Variants in NGLY1 observed in about 807,000 individuals in gnomAD.
NGLY1 encodes the protein peptide-N(4)-(N-acetyl-beta-glucosaminyl)asparagine amidase.
In NGLY1, 68 loss-of-function variants were observed where a neutral mutation model predicts 84.6. The ratio of observed to expected loss-of-function variants is 0.80; its 90% CI spans 0.66 to 0.98. NGLY1 has a LOEUF of 0.98. NGLY1 is among the 50% of genes least tolerant of loss of function. NGLY1 has a pLI of 0.00. For synonymous variants in NGLY1, 280 were observed against 275.2 expected (o/e 1.02, Z -0.17); for missense variants, 779 against 770.2 (o/e 1.01, Z -0.14).
chr3:25,752,263 C>T (rs1330163291), intron 3 of NGLY1, among the ~76,000 whole-genome samples: 1 of 151,978 alleles, frequency 6.6e-6, no homozygotes, highest in East Asian at 1.9e-4. Context: ...CACTGTGTTG[C>T]CCAGGCTGGA....
chr3:25,776,699 T>C (rs183216344), intron 2 of NGLY1, among the ~76,000 whole-genome samples: 8 of 152,118 alleles, frequency 5.3e-5, no homozygotes, highest in Admixed American at 4.6e-4. Context: ...ATCCAATTAG[T>C]TGCTTAAACC....
At chr3:25,726,078 C>T (rs553169074) in intron 10 of NGLY1, among the ~76,000 whole-genome samples, 36 of 152,120 alleles carry the variant, frequency 2.4e-4, no homozygotes, top group South Asian at 6.2e-4. Context: ...CCCCTCACCC[C>T]GCCAAAATGC....
chr3:25,726,947 C>T (rs925218162), intron 10 of NGLY1, among the ~76,000 whole-genome samples: 3 of 152,102 alleles, frequency 2.0e-5, no homozygotes, highest in Non-Finnish European at 4.4e-5. Context: ...TGGGAGGATA[C>T]CTCTTTGAGA....
At chr3:25,783,807 TG>T (rs2125332956), upstream of NGLY1, among the ~76,000 whole-genome samples, 1 of 151,590 alleles carries the variant, frequency 6.6e-6, no homozygotes, top group Non-Finnish European at 1.5e-5. This position sits in a 1 kb window ranked among gnomAD's most constrained non-coding sequence, Gnocchi z 4.5. Flanking sequence ...AGGCGGGGCC[TG>T]GGCTCCGGGG....
In NGLY1 at chr3:25,778,642, C is replaced by G; in HGVS notation, c.178G>C (p.Ala60Pro). ...ACAGGCAAGAGTCTAGTAGAAAAGGCTGTGTTTCCAATCCGGATGGATCTA... is the reference window on the plus strand; with the variant it reads ...ACAGGCAAGAGTCTAGTAGAAAAGGGTGTGTTTCCAATCCGGATGGATCTA... Reference protein sequence around the residue: ...KYRSIRIGNTAFSTRLLPVRG... With the variant: ...KYRSIRIGNTPFSTRLLPVRG... Residue 60 changes from alanine to proline, a missense_variant, in exon 2 of 12, where the codon GCC (alanine) becomes CCC (proline). By Grantham distance (27) the Ala-to-Pro change is conservative. Transcript: ENST00000280700. 3 of 1,612,792 alleles carry G rather than the reference C, an allele frequency of 1.9e-6. No homozygotes were observed. The highest frequency in any genetic ancestry group is 3.3e-4 in the Middle Eastern group (2 of 6,050).
At chr3:25,777,767 T>C (rs1708224350) in intron 2 of NGLY1, 1 of 152,246 alleles carries the variant, frequency 6.6e-6, no homozygotes, top group African/African-American at 2.4e-5. Context: ...CCTACTAGAA[T>C]GTAAGCTCTA....
chr3:25,720,311 C>T, intron 10 of NGLY1, 120 bp from the exon 11 acceptor site: 1 of 742,042 alleles, frequency 1.3e-6, no homozygotes. Context: ...TATTTAAAAA[C>T]TAACTTTTCC....
chr3:25,732,227 C>T (rs1187757342), intron 9 of NGLY1, 92 bp downstream of exon 9: 1 of 1,144,546 alleles, frequency 8.7e-7, no homozygotes, highest in Non-Finnish European at 1.2e-6. Flanking sequence ...ACTGAAAGGT[C>T]ATAGTCAATG....
At chr3:25,771,810 T>A (rs1213447693) in intron 2 of NGLY1, among the ~76,000 whole-genome samples, 1 of 152,186 alleles carries the variant, frequency 6.6e-6, no homozygotes, top group Non-Finnish European at 1.5e-5. Context: ...TAAAAGGAGT[T>A]GAGTTCTTGA....
chr3:25,755,502 C>T (rs1706994912), intron 3 of NGLY1: 2 of 1,458,968 alleles, frequency 1.4e-6, no homozygotes, highest in African/African-American at 1.4e-5. Context: ...TCGGTCCACA[C>T]CTGTCAAACC....
intron 4 of NGLY1, chr3:25,749,552 G>A (rs964824298): frequency 4.4e-6 from 7 of 1,574,346 alleles, no homozygotes; most frequent in Admixed American, 1.7e-5. Flanking sequence ...AAGTTCATCC[G>A]GCACCAGTCT....
Position 25,720,057 on chromosome 3 carries a change from T to A in NGLY1, c.1746A>T (p.Glu582Asp). Reference protein sequence around the residue: ...SSQTFQTGTVEWKLRSDTAQV... With the variant: ...SSQTFQTGTVDWKLRSDTAQV... The stretch of plus-strand genomic sequence containing the variant: ...GTGCTGTATCAGATCGCAATTTCCA[T>A]TCTACTGTTCCAGTCTGAAAAGTTT... Residue 582 changes from glutamate to aspartate, a missense_variant, in exon 11 of 12, where the codon GAA becomes GAT. By Grantham distance (45) the Glu-to-Asp change is conservative (BLOSUM62 2). Transcript: ENST00000280700. 1 of 1,613,888 alleles carries A rather than the reference T, an allele frequency of 6.2e-7. No homozygotes were observed.
At chr3:25,775,942 T>A (rs1708135866) in intron 2 of NGLY1, among the ~76,000 whole-genome samples, 1 of 152,258 alleles carries the variant, frequency 6.6e-6, no homozygotes, top group Non-Finnish European at 1.5e-5. Context: ...TATGCTAGCA[T>A]CAAAATATCA....
rs1559551749 is a variant in NGLY1, at chr3:25,764,110, T to C, written c.448A>G (p.Arg150Gly). The change falls in exon 3 of 12, where the codon AGG becomes GGG. Residue 150 changes from arginine to glycine, a missense_variant. Transcript: ENST00000280700. Reference protein sequence around the residue: ...SNPSGLNQHTRNRQGQSSDPP... With the variant: ...SNPSGLNQHTGNRQGQSSDPP... The stretch of plus-strand genomic sequence containing the variant: ...TCTGATGACTGCCCTTGACGGTTCC[T>C]TGTGTGCTGGTTTAACCCACTGGGA... 6.2e-7 allele frequency: 1 copy of C among 1,614,236 alleles called. No homozygotes were observed. Among genetic ancestry groups the C allele is most frequent in the East Asian group, 2.2e-5 (1 of 44,892 alleles).
chr3:25,789,505 T>C (rs1338440233), intron 1 of NGLY1, among the ~76,000 whole-genome samples: 1 of 152,150 alleles, frequency 6.6e-6, no homozygotes, highest in Admixed American at 6.5e-5. Flanking sequence ...TAAAGAATTA[T>C]TTTTGAAAAA....
In NGLY1 at chr3:25,732,301, C is replaced by A; in HGVS notation, c.1425+18G>T. 1 of 1,610,684 alleles carries A rather than the reference C, an allele frequency of 6.2e-7. No individual in the cohort carries two copies. Among genetic ancestry groups the A allele is most frequent in the Non-Finnish European group, 8.5e-7 (1 of 1,178,074 alleles). Reference sequence around the variant, plus strand: ...GCAGGAAAGTAAAAGGATCATCATGCTAGAATGAATTAAATACCTGTAGAC... The same window carrying A: ...GCAGGAAAGTAAAAGGATCATCATGATAGAATGAATTAAATACCTGTAGAC... On this transcript the variant is annotated intron_variant, in intron 9 of 11. Transcript: ENST00000280700.
In NGLY1 at chr3:25,751,084, T is replaced by A. The variant is rs759297828; in HGVS notation, c.658+14A>T. 3 of 1,602,738 alleles carry A rather than the reference T, an allele frequency of 1.9e-6. No individual in the cohort carries two copies. Among genetic ancestry groups the A allele is most frequent in the Non-Finnish European group, 2.6e-6 (3 of 1,173,756 alleles). On this transcript the variant is annotated intron_variant, in intron 4 of 11. Coordinates refer to ENST00000280700, the MANE Select transcript of NGLY1 (RefSeq NM_018297.4). ...ATTTACATTTAGCAATAAATGATTA[T>A]GTAAAGCTACTACCTTTATCCAATT...
chr3:25,752,449 T>C (rs1344515246), intron 3 of NGLY1, among the ~76,000 whole-genome samples: 1 of 152,006 alleles, frequency 6.6e-6, no homozygotes, highest in Non-Finnish European at 1.5e-5. Flanking sequence ...CTCGAACTCC[T>C]GACCTTGTGA....
At chr3:25,733,820 G>A in intron 8 of NGLY1, 52 bp downstream of exon 8, 5 of 1,256,196 alleles carry the variant, frequency 4.0e-6, no homozygotes, top group African/African-American at 3.0e-5. Context: ...GGCTATTCTC[G>A]ATTACATAAA....
Sources: gnomAD v4.1 joint callset for allele counts (sites outside exome capture counted in the v4.1 genomes callset) on GRCh38, gnomAD v4.1.1 for gene constraint, Gnocchi (gnomAD v3.1) non-coding constraint, MANE v1.5 for transcripts, NCBI Gene and HGNC (gene_info 2026-07-23, HGNC 2026-07-21) for gene names.